Variants in MBP observed in about 807,000 individuals in gnomAD.
MBP encodes the protein myelin basic protein, also known as Golli-MBP.
Under a neutral mutation model 35.8 loss-of-function variants are expected in MBP, and 16 were observed. The observed-to-expected ratio is 0.45, with a 90% CI of 0.30 to 0.68. MBP has a LOEUF of 0.68. Among genes scored for constraint, MBP ranks in the 30% least tolerant of loss-of-function variants. MBP has a pLI of 0.08. For missense variants in MBP, 380 were observed against 404.7 expected (o/e 0.94, Z 0.52); for synonymous variants, 143 against 159.6 (o/e 0.90, Z 0.78).
chr18:76,993,871 C>T (rs1301675492), intron 4 of MBP, among the ~76,000 whole-genome samples: 3 of 152,186 alleles, frequency 2.0e-5, no homozygotes, highest in South Asian at 2.1e-4. Flanking sequence ...GGCCTTTGAA[C>T]GTGAGGATGT....
chr18:77,133,043 G>T (rs960816413), upstream of MBP, among the ~76,000 whole-genome samples: 24 of 152,106 alleles, frequency 1.6e-4, no homozygotes, highest in African/African-American at 5.3e-4. Flanking sequence ...ACTGGGCTCC[G>T]AACTGCGGCC....
intron 3 of MBP, among the ~76,000 whole-genome samples, chr18:77,033,315 T>G (rs1005839959): frequency 6.6e-6 from 1 of 152,174 alleles, no homozygotes; most frequent in Admixed American, 6.5e-5. Context: ...CTGTGTGACC[T>G]TGAGCACATA....
At chr18:77,015,375 C>G (rs1225740119) in intron 4 of MBP, 1 of 985,280 alleles carries the variant, frequency 1.0e-6, no homozygotes. Context: ...TTGGGCAACC[C>G]GAATCCATAC....
At position 77,011,969 on chromosome 18, in the gene MBP, G is replaced by A. The variant is rs138622881; in HGVS notation, c.576+4863C>T. The stretch of plus-strand genomic sequence containing the variant: ...TGTCAAGCCAAGCTCCTAATTCACC[G>A]ATCAGAATTGCCTGTTATCAAATGT... On this transcript the variant is annotated intron_variant, in intron 4 of 8. Coordinates refer to ENST00000355994, the MANE Select transcript of MBP (RefSeq NM_001025101.2). 3.3e-3 allele frequency among the ~76,000 whole-genome samples: 510 copies of A among 152,258 alleles called. 8 individuals are homozygous for A. The highest frequency in any genetic ancestry group is 0.023 in the South Asian group (113 of 4,824).
At chr18:77,043,738 G>A (rs989944187) in intron 3 of MBP, among the ~76,000 whole-genome samples, 2 of 152,128 alleles carry the variant, frequency 1.3e-5, no homozygotes, top group East Asian at 1.9e-4. Context: ...TTGCTGTTGC[G>A]GCGTGGTGAG....
intron 1 of MBP, among the ~76,000 whole-genome samples, chr18:77,105,953 G>A (rs187471434): frequency 4.6e-5 from 7 of 152,172 alleles, no homozygotes; most frequent in African/African-American, 1.7e-4. Context: ...CGGAAGAATT[G>A]AGCCACACCC....
Position 77,119,674 on chromosome 18 carries a change from C to T in MBP, c.-26+12906G>A, listed in dbSNP as rs183459045. 3.1e-3 allele frequency among the ~76,000 whole-genome samples: 466 copies of T among 152,238 alleles called. 2 individuals carry two copies. The highest frequency in any genetic ancestry group is 4.3e-3 in the African/African-American group (179 of 41,540). On this transcript the variant is annotated intron_variant, in intron 1 of 8. Coordinates refer to ENST00000355994, the MANE Select transcript of MBP (RefSeq NM_001025101.2). ...GACCACCTGGTGAGCCCCAGGGAGCCGAGAGCAGGAGCCAGGACTTAAGGC... is the reference window on the plus strand; with the variant it reads ...GACCACCTGGTGAGCCCCAGGGAGCTGAGAGCAGGAGCCAGGACTTAAGGC...
intron 3 of MBP, among the ~76,000 whole-genome samples, chr18:77,060,596 G>A (rs1176789394): frequency 6.6e-6 from 1 of 151,920 alleles, no homozygotes; most frequent in African/African-American, 2.4e-5. Flanking sequence ...GATTACAGGT[G>A]TGCACTACTA....
At chr18:77,066,241 G>A (rs1342208377) in intron 3 of MBP, 57 bp downstream of exon 3, 6 of 1,278,258 alleles carry the variant, frequency 4.7e-6, no homozygotes, top group Admixed American at 1.7e-5. Flanking sequence ...CCGAGTGAGA[G>A]TGCAGGTGCA....
intron 2 of MBP, among the ~76,000 whole-genome samples, chr18:77,099,707 G>C (rs964576970): frequency 6.6e-6 from 1 of 152,246 alleles, no homozygotes; most frequent in African/African-American, 2.4e-5. Context: ...TCCTTTGAGG[G>C]TCCTAAGTAT....
At position 76,988,745 on chromosome 18, in the gene MBP, G is replaced by A; in HGVS notation, c.717+132C>T. ...GGATCTGCCGACCTGTTCTACTTGGGAGCTGCCTGGCAACACGTTTTGGGA... is the reference window on the plus strand; with the variant it reads ...GGATCTGCCGACCTGTTCTACTTGGAAGCTGCCTGGCAACACGTTTTGGGA... On this transcript the variant is annotated intron_variant, in intron 6 of 8. Transcript: ENST00000355994. The surrounding 1 kb of genome is among the most constrained non-coding windows in gnomAD (Gnocchi z 5.2). The A allele has an allele frequency of 7.5e-7, 1 of 1,329,674 alleles. No individual in the cohort carries two copies. The highest frequency in any genetic ancestry group is 1.3e-5 in the South Asian group (1 of 74,910). The allele number at this position is 1,329,674 out of a possible 1,614,324, so 82.4% of individuals were successfully genotyped here.
At chr18:77,122,862 A>G (rs1335264157) in intron 1 of MBP, among the ~76,000 whole-genome samples, 1 of 152,170 alleles carries the variant, frequency 6.6e-6, no homozygotes, top group Non-Finnish European at 1.5e-5. Context: ...TCCATTCAAC[A>G]TAATTCTGCC....
chr18:77,007,108 A>G (rs1010939682), intron 4 of MBP, among the ~76,000 whole-genome samples: 2 of 152,116 alleles, frequency 1.3e-5, no homozygotes, highest in Admixed American at 1.3e-4. Context: ...TTGGGAGCTG[A>G]CTTCAAGGGT....
At chr18:77,058,428 GCCAGCCA>G (rs1568317580) in intron 3 of MBP, among the ~76,000 whole-genome samples, 1 of 152,158 alleles carries the variant, frequency 6.6e-6, no homozygotes, top group Non-Finnish European at 1.5e-5. Context: ...CGCACAGCTC[GCCAGCCA>G]CGGGAGGGAG....
At chr18:77,118,895 CCACA>C (rs914427117) in intron 1 of MBP, among the ~76,000 whole-genome samples, 1 of 151,712 alleles carries the variant, frequency 6.6e-6, no homozygotes. Context: ...CAGACACACA[CCACA>C]CACACAGCCA....
chr18:77,079,365 G>T (rs2144906697), intron 2 of MBP, among the ~76,000 whole-genome samples: 1 of 152,320 alleles, frequency 6.6e-6, no homozygotes, highest in Middle Eastern at 3.4e-3. Flanking sequence ...GGGGGAGCAG[G>T]GCTTAGGGCA....
intron 8 of MBP, 38 bp from the exon 9 acceptor site, chr18:76,980,509 G>A (rs749588391): frequency 8.4e-6 from 13 of 1,543,938 alleles, no homozygotes; most frequent in African/African-American, 2.7e-5. Context: ...CGAGAGTGCC[G>A]CAGGGTCCTC....
At chr18:77,005,995 G>T (rs1323178359) in intron 4 of MBP, 1 of 152,350 alleles carries the variant, frequency 6.6e-6, no homozygotes, top group African/African-American at 2.4e-5. Context: ...GGAGAGGGAA[G>T]GAAGCTCAGA....
intron 3 of MBP, among the ~76,000 whole-genome samples, chr18:77,041,864 C>T (rs1973014860): frequency 6.6e-6 from 1 of 151,292 alleles, no homozygotes; most frequent in Non-Finnish European, 1.5e-5. Flanking sequence ...ACCAACATGG[C>T]ACATGTATAC....
Sources: gnomAD v4.1 joint callset for allele counts (sites outside exome capture counted in the v4.1 genomes callset) on GRCh38, gnomAD v4.1.1 for gene constraint, Gnocchi (gnomAD v3.1) non-coding constraint, MANE v1.5 for transcripts, NCBI Gene and HGNC (gene_info 2026-07-23, HGNC 2026-07-21) for gene names.